The following ZNF362 variants were observed in gnomAD, a reference collection of about 807,000 sequenced individuals.
ZNF362 encodes the protein zinc finger protein 362.
A neutral mutation model predicts 42.9 loss-of-function variants in ZNF362; 11 were observed. The ratio of observed to expected loss-of-function variants is 0.26; its 90% CI spans 0.16 to 0.42. ZNF362 has a LOEUF of 0.42. ZNF362 is among the 20% of genes least tolerant of loss of function. ZNF362 has a pLI of 1.00. For synonymous variants in ZNF362, 255 were observed against 257.3 expected (o/e 0.99, Z 0.09); for missense variants, 362 against 576.2 (o/e 0.63, Z 3.81).
intron 6 of ZNF362, among the ~76,000 whole-genome samples, chr1:33,282,163 G>C (rs1344065281): frequency 6.6e-6 from 1 of 152,164 alleles, no homozygotes; most frequent in Non-Finnish European, 1.5e-5. Flanking sequence ...TGTCCCCACA[G>C]GGCTCTGTGC....
the ZNF362 span, among the ~76,000 whole-genome samples, chr1:33,204,356 T>C: frequency 4.6e-5 from 7 of 152,202 alleles, no homozygotes; most frequent in East Asian, 5.8e-4. Context: ...GTCAGTACTA[T>C]ACTGTTTTGA....
the ZNF362 span, chr1:33,158,450 G>A: frequency 2.7e-6 from 3 of 1,100,692 alleles, no homozygotes; most frequent in South Asian, 1.3e-5. Context: ...CACCTTCAGG[G>A]CAGCTGGCAT....
chr1:33,253,568 G>C (rs917666185), upstream of ZNF362, among the ~76,000 whole-genome samples: 6 of 151,992 alleles, frequency 3.9e-5, no homozygotes, highest in African/African-American at 1.5e-4. Context: ...GAGGAGACTC[G>C]TGGGGCAAAG....
intron 2 of ZNF362, among the ~76,000 whole-genome samples, chr1:33,273,702 A>G (rs538757351): frequency 3.9e-5 from 6 of 152,260 alleles, no homozygotes; most frequent in African/African-American, 7.2e-5. Flanking sequence ...TGGCCTGAGC[A>G]AGGTGCCTCC....
rs1364603024 is a variant in ZNF362 at position 33,299,104 on chromosome 1, CA to C, written c.*59del. On this transcript the variant is annotated 3_prime_UTR_variant, in exon 9 of 9. Transcript: ENST00000539719. ...TGGCAGACACAGACCCAGGCAGCACCAGGCCCCAGCTCCCTCCGGGGGCCCT... is the reference window on the plus strand; with the variant it reads ...TGGCAGACACAGACCCAGGCAGCACCGGCCCCAGCTCCCTCCGGGGGCCCT... 7.3e-7 allele frequency: 1 copy of C among 1,369,110 alleles called. No homozygotes were observed. Among genetic ancestry groups the C allele is most frequent in the Non-Finnish European group, 1.0e-6 (1 of 972,094 alleles). The allele number at this position is 1,369,110 out of a possible 1,614,324, so 84.8% of individuals were successfully genotyped here.
intron 6 of ZNF362, among the ~76,000 whole-genome samples, chr1:33,286,663 C>T (rs531654753): frequency 6.6e-6 from 1 of 152,284 alleles, no homozygotes; most frequent in East Asian, 1.9e-4. Flanking sequence ...GGCAAAGAGG[C>T]GAGTGTCCCA....
the ZNF362 span, among the ~76,000 whole-genome samples, chr1:33,160,820 G>T: frequency 6.6e-6 from 1 of 152,214 alleles, no homozygotes; most frequent in Admixed American, 6.5e-5. Context: ...AGAAAACCTT[G>T]GTGGTTACTC....
At chr1:33,207,419 A>G in the ZNF362 span, among the ~76,000 whole-genome samples, 1 of 152,190 alleles carries the variant, frequency 6.6e-6, no homozygotes, top group Non-Finnish European at 1.5e-5. Flanking sequence ...ATACCTGTGC[A>G]TGTGTCTTTA....
the ZNF362 span, among the ~76,000 whole-genome samples, chr1:33,204,329 A>C: frequency 2.6e-5 from 4 of 152,058 alleles, no homozygotes; most frequent in Non-Finnish European, 5.9e-5. Flanking sequence ...CCATTTGTCT[A>C]TGTGTCTGTC....
At chr1:33,258,724 C>G (rs1645810358) in intron 1 of ZNF362, among the ~76,000 whole-genome samples, 1 of 152,196 alleles carries the variant, frequency 6.6e-6, no homozygotes, top group South Asian at 2.1e-4. Flanking sequence ...CCTTCACCCC[C>G]TCCTACCCCC....
the ZNF362 span, among the ~76,000 whole-genome samples, chr1:33,141,680 G>C: frequency 6.6e-6 from 1 of 152,036 alleles, no homozygotes; most frequent in African/African-American, 2.4e-5. Flanking sequence ...TTTCAAGGGA[G>C]GGGGGAGCAT....
At chr1:33,155,023 G>T in the ZNF362 span, among the ~76,000 whole-genome samples, 1 of 148,266 alleles carries the variant, frequency 6.7e-6, no homozygotes, top group South Asian at 2.1e-4. Flanking sequence ...AACCCGGGAG[G>T]CAGACCTTGC....
the ZNF362 span, among the ~76,000 whole-genome samples, chr1:33,241,869 C>A: frequency 6.6e-6 from 1 of 152,168 alleles, no homozygotes. Flanking sequence ...AGCCACCATG[C>A]CTGGCCCTGA....
chr1:33,250,725 G>A, the ZNF362 span, among the ~76,000 whole-genome samples: 3 of 150,680 alleles, frequency 2.0e-5, no homozygotes, highest in Non-Finnish European at 2.9e-5. Flanking sequence ...TCCTGCACAT[G>A]TACCCTGGAA....
chr1:33,147,988 G>A, the ZNF362 span, among the ~76,000 whole-genome samples: 2 of 152,314 alleles, frequency 1.3e-5, no homozygotes, highest in South Asian at 2.1e-4. This position sits in a 1 kb window ranked among gnomAD's most constrained non-coding sequence, Gnocchi z 8.1. Context: ...TGCCCAGGGC[G>A]GAGCACATAG....
At chr1:33,184,997 T>A in the ZNF362 span, among the ~76,000 whole-genome samples, 1 of 152,040 alleles carries the variant, frequency 6.6e-6, no homozygotes, top group Non-Finnish European at 1.5e-5. Flanking sequence ...GTCAGGCTGG[T>A]CTCAAACTCC....
At chr1:33,208,646 A>G in the ZNF362 span, among the ~76,000 whole-genome samples, 23 of 152,298 alleles carry the variant, frequency 1.5e-4, no homozygotes, top group East Asian at 4.4e-3. Flanking sequence ...GGTTCTTCAC[A>G]TCCATTGTAA....
intron 2 of ZNF362, 95 bp downstream of exon 2, chr1:33,270,707 C>T: frequency 6.4e-7 from 1 of 1,555,268 alleles, no homozygotes; most frequent in Non-Finnish European, 8.7e-7. Flanking sequence ...CCCTGAGTGC[C>T]CCCGCTGCTA....
chr1:33,273,999 C>G (rs1207815209), intron 2 of ZNF362, among the ~76,000 whole-genome samples: 4 of 152,206 alleles, frequency 2.6e-5, no homozygotes, highest in African/African-American at 9.7e-5. Context: ...CTCCCTGCCC[C>G]CAGCCGTGGA....
Sources: gnomAD v4.1 joint callset for allele counts (sites outside exome capture counted in the v4.1 genomes callset) on GRCh38, gnomAD v4.1.1 for gene constraint, Gnocchi (gnomAD v3.1) non-coding constraint, MANE v1.5 for transcripts, NCBI Gene and HGNC (gene_info 2026-07-23, HGNC 2026-07-21) for gene names.